The following NTNG1 variants were observed in gnomAD, a reference collection of about 807,000 sequenced individuals.
NTNG1 encodes the protein netrin G1, also known as netrin-G1.
A neutral mutation model predicts 54.0 loss-of-function variants in NTNG1; 16 were observed. The observed-to-expected ratio is 0.30, with a 90% CI of 0.20 to 0.45. The LOEUF is 0.45. Ranked by LOEUF, NTNG1 falls within the 20% of genes least tolerant of loss-of-function variation. The pLI is 1.00. For synonymous variants in NTNG1, 255 were observed against 263.1 expected (o/e 0.97, Z 0.30); for missense variants, 530 against 678.7 (o/e 0.78, Z 2.43).
intron 3 of NTNG1, among the ~76,000 whole-genome samples, chr1:107,356,986 A>G (rs1393500191): frequency 6.6e-6 from 1 of 152,176 alleles, no homozygotes; most frequent in Non-Finnish European, 1.5e-5. Context: ...CTGGGCAACA[A>G]GGTGAGACTC....
intron 2 of NTNG1, among the ~76,000 whole-genome samples, chr1:107,185,830 A>T (rs1268462272): frequency 6.6e-6 from 1 of 151,750 alleles, no homozygotes; most frequent in Non-Finnish European, 1.5e-5. Flanking sequence ...TTAAAAATGC[A>T]GTCTACCACA....
chr1:107,153,898 A>C (rs548220016), intron 2 of NTNG1, among the ~76,000 whole-genome samples: 2 of 152,316 alleles, frequency 1.3e-5, no homozygotes, highest in African/African-American at 4.8e-5. Context: ...GCTGATGAAG[A>C]TTATGGCAAA....
intron 4 of NTNG1, among the ~76,000 whole-genome samples, chr1:107,398,612 G>A (rs1672834328): frequency 1.3e-5 from 2 of 152,152 alleles, no homozygotes; most frequent in African/African-American, 4.8e-5. Flanking sequence ...CTTGACAGAG[G>A]CAGAGTAACT....
intron 2 of NTNG1, among the ~76,000 whole-genome samples, chr1:107,154,554 C>T (rs1654818377): frequency 1.4e-5 from 2 of 140,972 alleles, no homozygotes; most frequent in Admixed American, 1.5e-4. Flanking sequence ...CAAGATCATG[C>T]CACTGCACAA....
At position 107,413,178 on chromosome 1, in the gene NTNG1, TC is replaced by T. The variant is rs1673953044; in HGVS notation, c.1087+5471del. Among the ~76,000 whole-genome samples the T allele has an allele frequency of 5.9e-5, 9 of 151,802 alleles. No individual in the cohort carries two copies. The East Asian group carries it at 1.7e-3, about 29-fold the overall frequency. On this transcript the variant is annotated intron_variant, in intron 5 of 7. Coordinates refer to ENST00000370068, the MANE Select transcript of NTNG1 (RefSeq NM_001113226.3). ...TTCATTTTTTTTTTCATTTTTTTTT[TC>T]TGAGATGGAGTCTCACTCTGTCACC... is the stretch of plus-strand genomic sequence containing the variant.
intron 2 of NTNG1, among the ~76,000 whole-genome samples, chr1:107,276,457 T>C (rs1047644726): frequency 3.9e-5 from 6 of 152,046 alleles, no homozygotes; most frequent in Non-Finnish European, 5.9e-5. Flanking sequence ...GAAGCTTTTC[T>C]TCCTGCATTC....
intron 2 of NTNG1, among the ~76,000 whole-genome samples, chr1:107,192,541 C>T (rs997787314): frequency 6.6e-6 from 1 of 152,026 alleles, no homozygotes; most frequent in African/African-American, 2.4e-5. Flanking sequence ...AGGTTAACCC[C>T]TACTTTCCCC....
chr1:107,232,018 C>G (rs1270875998), intron 2 of NTNG1, among the ~76,000 whole-genome samples: 1 of 152,144 alleles, frequency 6.6e-6, no homozygotes, highest in Non-Finnish European at 1.5e-5. Flanking sequence ...GATTCAGAAA[C>G]TCTGAATAGC....
chr1:107,273,330 T>G (rs1052679341), intron 2 of NTNG1, among the ~76,000 whole-genome samples: 12 of 152,218 alleles, frequency 7.9e-5, no homozygotes, highest in African/African-American at 2.9e-4. Flanking sequence ...TAGAAGAATG[T>G]ATTGGCTTGT....
chr1:107,170,398 T>A (rs1220026928), intron 2 of NTNG1, among the ~76,000 whole-genome samples: 3 of 152,256 alleles, frequency 2.0e-5, no homozygotes, highest in African/African-American at 7.2e-5. Context: ...TTATTTTATT[T>A]ATCTTTATGA....
At chr1:107,465,688 G>A (rs1489843791) in intron 7 of NTNG1, among the ~76,000 whole-genome samples, 1 of 152,136 alleles carries the variant, frequency 6.6e-6, no homozygotes, top group Non-Finnish European at 1.5e-5. Flanking sequence ...CCTCTACAGG[G>A]GCAGGCATGT....
chr1:107,313,190 A>C (rs1667125491), intron 2 of NTNG1, among the ~76,000 whole-genome samples: 1 of 152,190 alleles, frequency 6.6e-6, no homozygotes, highest in Non-Finnish European at 1.5e-5. Context: ...TGATATGGTT[A>C]GATACTACAG....
chr1:107,462,909 C>T (rs774860992), intron 7 of NTNG1, among the ~76,000 whole-genome samples: 8 of 152,152 alleles, frequency 5.3e-5, no homozygotes, highest in African/African-American at 1.4e-4. Context: ...GATTTGCCAA[C>T]GCCCCACAGC....
Position 107,287,457 on chromosome 1 carries a change from C to T in NTNG1, c.247-36825C>T, listed in dbSNP as rs1226774991. On this transcript the variant is annotated intron_variant, in intron 2 of 7. Transcript: ENST00000370068. ...CATGCATGCCGGAAATGTAGTCAAA[C>T]TCATTTAAAGCATAGTGCAGTGGCA... 2.6e-5 allele frequency among the ~76,000 whole-genome samples: 4 copies of T among 152,164 alleles called. No homozygotes were observed. In the East Asian group the frequency reaches 5.8e-4, roughly 22 times the overall value.
chr1:107,322,540 C>G lies in NTNG1; in HGVS notation c.247-1742C>G, dbSNP rs549891206. Among the ~76,000 whole-genome samples the G allele has an allele frequency of 2.0e-5, 3 of 152,092 alleles. No homozygotes were observed. In the South Asian group the frequency reaches 6.2e-4, roughly 32 times the overall value. ...GACAGATTCCACAATATTTATAGCC[C>G]TCCATAAAAAGCCTTTGCCAGTCTG... On this transcript the variant is annotated intron_variant, in intron 2 of 7. Transcript: ENST00000370068.
intron 3 of NTNG1, among the ~76,000 whole-genome samples, chr1:107,352,026 T>A (rs1397482051): frequency 6.6e-6 from 1 of 152,230 alleles, no homozygotes; most frequent in Non-Finnish European, 1.5e-5. Flanking sequence ...GGCACAGTGG[T>A]GCAAGGGGTG....
intron 5 of NTNG1, among the ~76,000 whole-genome samples, chr1:107,416,950 A>C (rs1557982342): frequency 6.6e-6 from 1 of 152,112 alleles, no homozygotes; most frequent in African/African-American, 2.4e-5. Context: ...AATACTTTGA[A>C]AGCTTTATTA....
chr1:107,162,697 G>T (rs773306724), intron 2 of NTNG1, among the ~76,000 whole-genome samples: 1 of 152,038 alleles, frequency 6.6e-6, no homozygotes, highest in African/African-American at 2.4e-5. Flanking sequence ...CTGGCCACCC[G>T]AATTAAAAGA....
chr1:107,358,485 T>C (rs1034083201), intron 3 of NTNG1, among the ~76,000 whole-genome samples: 3 of 152,136 alleles, frequency 2.0e-5, no homozygotes, highest in Admixed American at 1.3e-4. Flanking sequence ...ACTTTTTCTT[T>C]ACAATCAATT....
Sources: allele counts gnomAD v4.1 joint callset (sites outside exome capture counted in the v4.1 genomes callset), GRCh38; gene constraint gnomAD v4.1.1; transcripts MANE v1.5; gene names NCBI Gene and HGNC (gene_info 2026-07-23, HGNC 2026-07-21).